The following SLC35F3 variants were observed in gnomAD, a reference collection of about 807,000 sequenced individuals.
SLC35F3 encodes putative thiamine transporter SLC35F3.
Under a neutral mutation model 49.9 loss-of-function variants are expected in SLC35F3, and 25 were observed. The ratio of observed to expected loss-of-function variants is 0.50; its 90% CI spans 0.37 to 0.70. The LOEUF (loss-of-function observed/expected upper bound fraction) is 0.70. SLC35F3 is among the 30% of genes least tolerant of loss of function. The pLI is 0.00. For synonymous variants in SLC35F3, 275 were observed against 265.4 expected, an observed-to-expected ratio of 1.04 and a Z score of -0.35; for missense variants, 525 against 639.8, an observed-to-expected ratio of 0.82 and a Z score of 1.94.
At chr1:233,986,312 A>G (rs903537592) in intron 2 of SLC35F3, among the ~76,000 whole-genome samples, 2 of 152,174 alleles carry the variant, frequency 1.3e-5, no homozygotes, top group African/African-American at 4.8e-5. Flanking sequence ...CTCCACCCCA[A>G]GTTCCCACTT....
chr1:233,917,865 C>A (rs1661996889), intron 2 of SLC35F3, among the ~76,000 whole-genome samples: 2 of 152,194 alleles, frequency 1.3e-5, no homozygotes, highest in African/African-American at 4.8e-5. Context: ...CTAATAAAAA[C>A]CAAAATACCC....
chr1:234,066,202 G>T (rs139795242), intron 2 of SLC35F3, among the ~76,000 whole-genome samples: 15 of 152,278 alleles, frequency 9.9e-5, no homozygotes, highest in African/African-American at 3.6e-4. Flanking sequence ...TAGGACCGTG[G>T]TTTTTTTCTT....
chr1:233,982,171 C>T (rs564664869), intron 2 of SLC35F3, among the ~76,000 whole-genome samples: 4 of 152,236 alleles, frequency 2.6e-5, no homozygotes, highest in Non-Finnish European at 5.9e-5. Flanking sequence ...GCAATCTGCC[C>T]GCCTCGGCCT....
intron 3 of SLC35F3, among the ~76,000 whole-genome samples, chr1:234,278,574 G>A (rs79272422): frequency 0.061 from 9,172 of 151,460 alleles, 329 homozygotes; most frequent in African/African-American, 0.099. Context: ...ATAACTTTTT[G>A]TGGGACTTGA....
Position 233,961,436 on chromosome 1 carries a change from T to TTCTTTTTTTTTTTCCTC in SLC35F3, c.283+55692_283+55708dup, listed in dbSNP as rs1169924206. Among the ~76,000 whole-genome samples the TTCTTTTTTTTTTTCCTC allele has an allele frequency of 4.6e-3, 691 of 149,928 alleles. 7 individuals are homozygous for TTCTTTTTTTTTTTCCTC. Among genetic ancestry groups the TTCTTTTTTTTTTTCCTC allele is most frequent in the African/African-American group, 0.016 (643 of 40,318 alleles). Reference sequence around the variant, plus strand: ...CGACTGACGTGTCCTCATTTCAGCTTTCTTTTTTTTTTTCCTCTCTTTTTT... The same window carrying TTCTTTTTTTTTTTCCTC: ...CGACTGACGTGTCCTCATTTCAGCTTTCTTTTTTTTTTTCCTCTCTTTTTTTTTTTCCTCTCTTTTTT... On this transcript the variant is annotated intron_variant, in intron 2 of 7. Transcript: ENST00000366618.
chr1:234,101,618 G>A (rs1264231555), intron 2 of SLC35F3, among the ~76,000 whole-genome samples: 1 of 152,204 alleles, frequency 6.6e-6, no homozygotes, highest in Admixed American at 6.5e-5. Context: ...CTTAAAAAAT[G>A]TTGGTTATTT....
chr1:233,936,710 A>G (rs1399993785), intron 2 of SLC35F3, among the ~76,000 whole-genome samples: 1 of 149,006 alleles, frequency 6.7e-6, no homozygotes, highest in Non-Finnish European at 1.5e-5. Context: ...TTTTTTTGAG[A>G]CAGGGTCTTG....
chr1:234,142,435 C>T (rs1204304400), intron 2 of SLC35F3, among the ~76,000 whole-genome samples: 1 of 152,120 alleles, frequency 6.6e-6, no homozygotes, highest in Non-Finnish European at 1.5e-5. Flanking sequence ...GCCGTTTTGT[C>T]CACTGCGGTG....
At chr1:233,994,553 G>C (rs1663426833) in intron 2 of SLC35F3, among the ~76,000 whole-genome samples, 1 of 152,208 alleles carries the variant, frequency 6.6e-6, no homozygotes, top group African/African-American at 2.4e-5. Flanking sequence ...GAGGCAGTCT[G>C]CCTTGTTCCT....
chr1:234,069,485 G>A (rs1459999293), intron 2 of SLC35F3, among the ~76,000 whole-genome samples: 1 of 151,970 alleles, frequency 6.6e-6, no homozygotes, highest in Non-Finnish European at 1.5e-5. Flanking sequence ...TTGATCTTCT[G>A]ATCTCATGAT....
intron 4 of SLC35F3, among the ~76,000 whole-genome samples, chr1:234,314,869 G>T (rs1295183265): frequency 6.6e-6 from 1 of 152,172 alleles, no homozygotes; most frequent in East Asian, 1.9e-4. Flanking sequence ...TTTTCACTGG[G>T]AGTCCTCTGA....
chr1:234,037,850 T>C (rs1664166686), intron 2 of SLC35F3, among the ~76,000 whole-genome samples: 1 of 152,146 alleles, frequency 6.6e-6, no homozygotes, highest in African/African-American at 2.4e-5. Context: ...GGAAGCCCCT[T>C]TGCCTGGTAA....
intron 2 of SLC35F3, among the ~76,000 whole-genome samples, chr1:234,145,508 G>A (rs1160842420): frequency 6.6e-6 from 1 of 152,072 alleles, no homozygotes; most frequent in African/African-American, 2.4e-5. Context: ...AGTTGTTAGA[G>A]ACATGCAGTC....
At position 234,253,201 on chromosome 1, in the gene SLC35F3, C is replaced by G. The variant is rs147945533; in HGVS notation, c.608+21460C>G. ...ATTAACTGGGCATAGTGGGGCACAC[C>G]TGTAATCCCAGCTACTCAGGAGGCT... On this transcript the variant is annotated intron_variant, in intron 3 of 7. Coordinates refer to ENST00000366618, the MANE Select transcript of SLC35F3 (RefSeq NM_173508.4). Among the ~76,000 whole-genome samples, 152 of 152,268 alleles carry G rather than the reference C, an allele frequency of 1.0e-3. 1 individual carries two copies. Among genetic ancestry groups the G allele is most frequent in the African/African-American group, 3.5e-3 (146 of 41,554 alleles).
chr1:234,310,408 G>A (rs750477079), intron 4 of SLC35F3, among the ~76,000 whole-genome samples: 1 of 152,170 alleles, frequency 6.6e-6, no homozygotes, highest in Non-Finnish European at 1.5e-5. Flanking sequence ...CAGTGGGGAC[G>A]TGAGTCAACT....
In SLC35F3 at chr1:234,214,115, G is replaced by C; in HGVS notation, c.284-17302G>C. On this transcript the variant is annotated intron_variant, in intron 2 of 7. Transcript: ENST00000366618. The surrounding 1 kb of genome is among the most constrained non-coding windows in gnomAD (Gnocchi z 8.0). ...AGAGGCTGCAGTCAGGACCTGGCTG[G>C]GAGGAAGACAGGGATGAGGGCTGCG... 1.0e-6 allele frequency: 1 copy of C among 997,532 alleles called. No individual in the cohort carries two copies. Among genetic ancestry groups the C allele is most frequent in the Non-Finnish European group, 1.2e-6 (1 of 829,982 alleles). 61.8% of individuals were successfully genotyped at this position (997,532 alleles called of 1,614,324 possible).
At chr1:234,269,220 C>G (rs1191704285) in intron 3 of SLC35F3, among the ~76,000 whole-genome samples, 1 of 151,948 alleles carries the variant, frequency 6.6e-6, no homozygotes, top group Non-Finnish European at 1.5e-5. Flanking sequence ...GGAGGAGGAC[C>G]ATTTCCTGAT....
chr1:234,144,071 G>A (rs1048690267), intron 2 of SLC35F3, among the ~76,000 whole-genome samples: 2 of 148,282 alleles, frequency 1.3e-5, no homozygotes, highest in African/African-American at 5.0e-5. Context: ...TGGTACTCCA[G>A]GGAAAGAGAT....
intron 2 of SLC35F3, among the ~76,000 whole-genome samples, chr1:234,004,137 A>G (rs1009189261): frequency 1.3e-5 from 2 of 152,220 alleles, no homozygotes; most frequent in African/African-American, 4.8e-5. Flanking sequence ...ATCCACGTGG[A>G]TACGACAAAT....
Sources: allele counts gnomAD v4.1 joint callset (sites outside exome capture counted in the v4.1 genomes callset), GRCh38; gene constraint gnomAD v4.1.1; non-coding constraint Gnocchi (gnomAD v3.1); transcripts MANE v1.5; gene names NCBI Gene and HGNC (gene_info 2026-07-23, HGNC 2026-07-21).